Variants in DYM observed in about 807,000 individuals in gnomAD.
DYM encodes the protein dyggve-Melchior-Clausen syndrome protein.
A neutral mutation model predicts 93.1 loss-of-function variants in DYM; 78 were observed. That is an observed-to-expected ratio of 0.84 (90% CI 0.70 to 1.01). The LOEUF (loss-of-function observed/expected upper bound fraction) is 1.01. Among genes scored for constraint, DYM ranks in the 50% least tolerant of loss-of-function variants. The pLI is 0.00. For missense variants in DYM, 789 were observed against 845.0 expected (o/e 0.93, Z 0.82); for synonymous variants, 321 against 319.7 (o/e 1.00, Z -0.04).
chr18:49,455,440 T>C (rs1170002185), intron 1 of DYM, among the ~76,000 whole-genome samples: 1 of 152,210 alleles, frequency 6.6e-6, no homozygotes, highest in Admixed American at 6.5e-5. Context: ...GAAAAACAAC[T>C]AATAGTTATA....
chr18:49,134,530 A>G (rs2083656159), intron 15 of DYM, among the ~76,000 whole-genome samples: 1 of 152,230 alleles, frequency 6.6e-6, no homozygotes, highest in Non-Finnish European at 1.5e-5. Flanking sequence ...TGCTGTCTTG[A>G]TTTAATTATT....
chr18:49,075,055 C>G (rs960706318), intron 17 of DYM, among the ~76,000 whole-genome samples: 1 of 152,172 alleles, frequency 6.6e-6, no homozygotes, highest in African/African-American at 2.4e-5. Flanking sequence ...TGATGCTCAT[C>G]AACCCCAGAA....
chr18:49,393,860 T>C (rs772035923), intron 2 of DYM: 1 of 152,250 alleles, frequency 6.6e-6, no homozygotes, highest in Admixed American at 6.5e-5. Flanking sequence ...GAAGACATTA[T>C]GCTAAGTGAA....
chr18:49,094,292 C>T (rs1304318761), intron 17 of DYM, among the ~76,000 whole-genome samples: 12 of 152,198 alleles, frequency 7.9e-5, no homozygotes, highest in African/African-American at 2.7e-4. Flanking sequence ...ATTCAAATTG[C>T]TCCACAGTAA....
intron 11 of DYM, among the ~76,000 whole-genome samples, chr18:49,271,404 G>A (rs974346328): frequency 5.9e-5 from 9 of 152,150 alleles, no homozygotes; most frequent in East Asian, 1.9e-4. Flanking sequence ...GCCGACAAGC[G>A]TGCTGGGAAC....
intron 2 of DYM, among the ~76,000 whole-genome samples, chr18:49,411,661 T>C (rs1180475369): frequency 6.6e-6 from 1 of 152,178 alleles, no homozygotes; most frequent in African/African-American, 2.4e-5. Context: ...GAACACAGGT[T>C]TGCTGAACAA....
At chr18:49,375,213 CACACACACACACACACAT>C (rs1404966682) in intron 5 of DYM, among the ~76,000 whole-genome samples, 1 of 149,596 alleles carries the variant, frequency 6.7e-6, no homozygotes, top group African/African-American at 2.5e-5. Context: ...CACACACACA[CACACACACACACACACAT>C]CTATACCTAC....
intron 13 of DYM, 66 bp from the exon 14 acceptor site, chr18:49,209,781 T>A: frequency 9.3e-7 from 1 of 1,078,976 alleles, no homozygotes; most frequent in Middle Eastern, 2.6e-4. Flanking sequence ...AAATAAATCA[T>A]TTTTTATGTC....
intron 10 of DYM, among the ~76,000 whole-genome samples, chr18:49,273,450 G>T (rs1408636280): frequency 3.3e-5 from 5 of 152,132 alleles, no homozygotes; most frequent in Non-Finnish European, 5.9e-5. Flanking sequence ...TGTTAATTCT[G>T]ATTCTGGAGT....
chr18:49,174,411 T>A (rs1245935750), intron 14 of DYM, among the ~76,000 whole-genome samples: 1 of 152,188 alleles, frequency 6.6e-6, no homozygotes, highest in Non-Finnish European at 1.5e-5. Context: ...AGGACTATAC[T>A]ATTCATAAAT....
intron 17 of DYM, among the ~76,000 whole-genome samples, chr18:49,081,027 G>A (rs1003237258): frequency 6.7e-6 from 1 of 150,170 alleles, no homozygotes; most frequent in African/African-American, 2.5e-5. Context: ...AGACTGGGCA[G>A]CCAGGCAGAG....
Position 49,041,108 on chromosome 18 carries a change from G to A in DYM, c.*2947C>T, listed in dbSNP as rs919658746. On this transcript the variant is annotated 3_prime_UTR_variant, in exon 18 of 18. Transcript: ENST00000675505. ...CTTTCTCTGTCTTTGTCCTTGAGCT[G>A]TGTTGTCTGCACTGCTGAATGGTGG... Among the ~76,000 whole-genome samples the A allele has an allele frequency of 6.6e-6, 1 of 152,150 alleles. No homozygotes were observed. The highest frequency in any genetic ancestry group is 2.4e-5 in the African/African-American group (1 of 41,414).
intron 13 of DYM, among the ~76,000 whole-genome samples, chr18:49,247,189 G>A (rs760857003): frequency 2.0e-5 from 3 of 152,112 alleles, no homozygotes; most frequent in East Asian, 1.9e-4. Flanking sequence ...TCTGGGTTCC[G>A]CTCCTGTATT....
At chr18:49,155,346 C>A (rs980360296) in intron 15 of DYM, among the ~76,000 whole-genome samples, 5 of 152,178 alleles carry the variant, frequency 3.3e-5, no homozygotes, top group African/African-American at 9.7e-5. Context: ...TCTTTTTCCC[C>A]CCGTGCTCAA....
rs1241398055 is a variant in DYM at position 49,039,315 on chromosome 18, C to T, written c.*4740G>A. 6.6e-6 allele frequency among the ~76,000 whole-genome samples: 1 copy of T among 152,184 alleles called. No individual in the cohort carries two copies. The highest frequency in any genetic ancestry group is 1.9e-4 in the East Asian group (1 of 5,198). ...TTTAATGGTTATATTCCCTCTCCCA[C>T]CCCAGCAGGTCTAAAATATTATTTT... On this transcript the variant is annotated 3_prime_UTR_variant, in exon 18 of 18. Coordinates refer to ENST00000675505, the MANE Select transcript of DYM (RefSeq NM_001353214.3).
intron 17 of DYM, among the ~76,000 whole-genome samples, chr18:49,083,834 A>G (rs2078263972): frequency 1.3e-5 from 2 of 152,112 alleles, no homozygotes; most frequent in Non-Finnish European, 2.9e-5. Flanking sequence ...TACAGGGTCA[A>G]TAACGGTGCT....
At chr18:49,272,730 G>C (rs940529181) in intron 10 of DYM, among the ~76,000 whole-genome samples, 3 of 152,052 alleles carry the variant, frequency 2.0e-5, no homozygotes, top group Non-Finnish European at 4.4e-5. Context: ...TATATTTCAA[G>C]AAATATATTT....
intron 2 of DYM, among the ~76,000 whole-genome samples, chr18:49,398,641 A>C (rs1392767156): frequency 6.6e-6 from 1 of 152,228 alleles, no homozygotes; most frequent in African/African-American, 2.4e-5. Flanking sequence ...TCCTGGGACC[A>C]GTTCTTCCAG....
intron 5 of DYM, among the ~76,000 whole-genome samples, chr18:49,365,462 C>G (rs921362147): frequency 2.0e-4 from 30 of 152,196 alleles, no homozygotes; most frequent in African/African-American, 7.0e-4. Context: ...TCTGGGACTG[C>G]ATGATTAGTT....
Sources: gnomAD v4.1 joint callset for allele counts (sites outside exome capture counted in the v4.1 genomes callset) on GRCh38, gnomAD v4.1.1 for gene constraint, MANE v1.5 for transcripts, NCBI Gene and HGNC (gene_info 2026-07-23, HGNC 2026-07-21) for gene names.